Variants in RFX4 observed in about 807,000 individuals in gnomAD.
The protein encoded by RFX4 is transcription factor RFX4.
In RFX4, 10 loss-of-function variants were observed where a neutral mutation model predicts 95.0. The ratio of observed to expected loss-of-function variants is 0.11; its 90% CI spans 0.06 to 0.18. The LOEUF is 0.18. Among genes scored for constraint, RFX4 ranks in the 10% least tolerant of loss-of-function variants. RFX4 has a pLI of 1.00. For missense variants in RFX4, 640 were observed against 922.0 expected, an observed-to-expected ratio of 0.69 and a Z score of 3.96; for synonymous variants, 321 against 340.7, an observed-to-expected ratio of 0.94 and a Z score of 0.64.
intron 2 of RFX4, among the ~76,000 whole-genome samples, chr12:106,637,829 G>T (rs995393350): frequency 6.6e-6 from 1 of 152,076 alleles, no homozygotes; most frequent in Non-Finnish European, 1.5e-5. Context: ...AATCTGGCCC[G>T]ATACTTGTAG....
chr12:106,585,463 G>T (rs2039441332), intron 1 of RFX4, among the ~76,000 whole-genome samples: 1 of 152,218 alleles, frequency 6.6e-6, no homozygotes, highest in Non-Finnish European at 1.5e-5. Flanking sequence ...ACAGTGTGAA[G>T]AAATGACACT....
chr12:106,652,964 A>C (rs1184374857), intron 3 of RFX4, among the ~76,000 whole-genome samples: 1 of 152,202 alleles, frequency 6.6e-6, no homozygotes, highest in Non-Finnish European at 1.5e-5. Context: ...ATGGTTTTCC[A>C]GTCACTTTAT....
At position 106,628,111 on chromosome 12, in the gene RFX4, C is replaced by T. The variant is rs185861540; in HGVS notation, c.131-11221C>T. On this transcript the variant is annotated intron_variant, in intron 2 of 17. Coordinates refer to ENST00000392842, the MANE Select transcript of RFX4 (RefSeq NM_213594.3). ...TAAGATGACCTCCTTGGCTCCTCCC[C>T]TTCCTCACCTCCATGCCCACAGTGT... Among the ~76,000 whole-genome samples, 31 of 152,310 alleles carry T rather than the reference C, an allele frequency of 2.0e-4. No individual in the cohort carries two copies. In the East Asian group the frequency reaches 4.8e-3, roughly 24 times the overall value.
chr12:106,599,471 GTGATGATGA>G (rs3067521), intron 1 of RFX4, among the ~76,000 whole-genome samples: 35,654 of 150,572 alleles, frequency 0.24, 4,852 homozygotes, highest in African/African-American at 0.38. Flanking sequence ...AGTCATCGCT[GTGATGATGA>G]TGATGATGAT....
intron 7 of RFX4, chr12:106,693,053 C>T: frequency 2.5e-6 from 1 of 401,540 alleles, no homozygotes; most frequent in South Asian, 1.9e-5. Context: ...CTCTCCTTTC[C>T]CTCACCCTTC....
In RFX4 at chr12:106,687,177, C is replaced by G. The variant is rs1164246771; in HGVS notation, c.591+80C>G. ...TCTCTCTCTGTCTCTATCTCTCTCT[C>G]TCTCTCACACACACACACACACACA... On this transcript the variant is annotated intron_variant, in intron 6 of 17. Coordinates refer to ENST00000392842, the MANE Select transcript of RFX4 (RefSeq NM_213594.3). 11 of 741,228 alleles carry G rather than the reference C, an allele frequency of 1.5e-5. No individual in the cohort carries two copies. The South Asian group carries it at 1.8e-4, about 12-fold the overall frequency. The allele number at this position is 741,228 out of a possible 1,614,324, so 45.9% of individuals were successfully genotyped here.
At chr12:106,681,111 T>C (rs1409512493) in intron 4 of RFX4, 1 of 152,230 alleles carries the variant, frequency 6.6e-6, no homozygotes, top group Non-Finnish European at 1.5e-5. Context: ...GGATTTCTTG[T>C]GAACTGGTGT....
In RFX4 at chr12:106,732,063, G is replaced by A. The variant is rs2042623338; in HGVS notation, c.1352-67G>A. On this transcript the variant is annotated intron_variant, in intron 13 of 17. Coordinates refer to ENST00000392842, the MANE Select transcript of RFX4 (RefSeq NM_213594.3). ...AGAACACTGTGTAACTTGTGCAGTT[G>A]ACCAGACAGAGGGGGCATACACGAG... 2.5e-6 allele frequency: 4 copies of A among 1,587,616 alleles called. No individual in the cohort carries two copies. In the East Asian group the frequency reaches 9.1e-5, roughly 36 times the overall value.
At chr12:106,602,207 C>G (rs554642694) in intron 1 of RFX4, among the ~76,000 whole-genome samples, 2 of 152,290 alleles carry the variant, frequency 1.3e-5, no homozygotes, top group African/African-American at 4.8e-5. Flanking sequence ...TTGCTGCGAG[C>G]AACAGAGATG....
chr12:106,740,556 C>T (rs2042787877), intron 15 of RFX4, among the ~76,000 whole-genome samples: 1 of 152,104 alleles, frequency 6.6e-6, no homozygotes, highest in African/African-American at 2.4e-5. Context: ...GGACTTTAGG[C>T]TCCCTCATTC....
chr12:106,658,847 A>G (rs2041013520), intron 4 of RFX4, among the ~76,000 whole-genome samples: 1 of 152,158 alleles, frequency 6.6e-6, no homozygotes, highest in Admixed American at 6.5e-5. Flanking sequence ...CCCTCGGGTA[A>G]CTGAGGAGTC....
At chr12:106,620,168 T>C (rs547884408) in intron 2 of RFX4, among the ~76,000 whole-genome samples, 1 of 152,356 alleles carries the variant, frequency 6.6e-6, no homozygotes, top group East Asian at 1.9e-4. Context: ...TAATACCTCA[T>C]AGTTTTTTAT....
At chr12:106,659,768 A>T (rs138472612) in intron 4 of RFX4, among the ~76,000 whole-genome samples, 46 of 152,346 alleles carry the variant, frequency 3.0e-4, no homozygotes, top group African/African-American at 1.1e-3. Flanking sequence ...TGGTGGACTC[A>T]GGATGTGAAC....
intron 15 of RFX4, among the ~76,000 whole-genome samples, chr12:106,739,318 A>G (rs1159507106): frequency 6.6e-6 from 1 of 152,216 alleles, no homozygotes; most frequent in Admixed American, 6.5e-5. Context: ...AATCAAGGCC[A>G]GTCAAGTACC....
intron 5 of RFX4, chr12:106,683,482 A>AC (rs1565977708): frequency 2.7e-5 from 4 of 149,556 alleles, no homozygotes; most frequent in African/African-American, 9.7e-5. Context: ...AAAAAAAAAA[A>AC]AAAAAAAAAA....
chr12:106,748,092 A>G (rs938342756), intron 16 of RFX4, among the ~76,000 whole-genome samples: 1 of 152,068 alleles, frequency 6.6e-6, no homozygotes, highest in African/African-American at 2.4e-5. Flanking sequence ...GGTAGGTAAG[A>G]AGGTGTTAGT....
intron 4 of RFX4, among the ~76,000 whole-genome samples, chr12:106,672,239 G>A (rs972650270): frequency 1.3e-5 from 2 of 152,140 alleles, no homozygotes; most frequent in African/African-American, 2.4e-5. Flanking sequence ...GGAGGAGAAC[G>A]GACAGGGGAG....
At chr12:106,758,719 A>AG (rs1316166635) in intron 17 of RFX4, among the ~76,000 whole-genome samples, 2 of 152,332 alleles carry the variant, frequency 1.3e-5, no homozygotes, top group South Asian at 2.1e-4. Context: ...GCCTCCAAAA[A>AG]GGGAGTGCTC....
chr12:106,633,073 G>C (rs555467438), intron 2 of RFX4, among the ~76,000 whole-genome samples: 55 of 152,336 alleles, frequency 3.6e-4, no homozygotes, highest in African/African-American at 1.2e-3. Context: ...CTGAGATAGA[G>C]AGCCATCAAA....
Sources: allele counts gnomAD v4.1 joint callset (sites outside exome capture counted in the v4.1 genomes callset), GRCh38; gene constraint gnomAD v4.1.1; transcripts MANE v1.5; gene names NCBI Gene and HGNC (gene_info 2026-07-23, HGNC 2026-07-21).